MTA3: variants seen among roughly 807,000 people sequenced by gnomAD.
MTA3 encodes metastasis associated 1 family member 3.
In MTA3, 34 loss-of-function variants were observed where a neutral mutation model predicts 83.5. The ratio of observed to expected loss-of-function variants is 0.41; its 90% CI spans 0.31 to 0.54. The LOEUF is 0.54. Ranked by LOEUF, MTA3 falls within the 20% of genes least tolerant of loss-of-function variation. The pLI is 0.33. For synonymous variants in MTA3, 303 were observed against 252.7 expected (o/e 1.20, Z -1.89); for missense variants, 761 against 726.4 (o/e 1.05, Z -0.55).
At chr2:42,725,509 T>C (rs1233423754) in intron 16 of MTA3, among the ~76,000 whole-genome samples, 1 of 152,184 alleles carries the variant, frequency 6.6e-6, no homozygotes, top group Non-Finnish European at 1.5e-5. Context: ...GAGGACAGAA[T>C]AAATCAACAG....
At chr2:42,581,531 C>A (rs1417763854) in intron 3 of MTA3, among the ~76,000 whole-genome samples, 1 of 151,328 alleles carries the variant, frequency 6.6e-6, no homozygotes, top group Non-Finnish European at 1.5e-5. Flanking sequence ...TCTCACCGTG[C>A]CTAGCTAATT....
chr2:42,533,974 G>T (rs1477064941), intron 2 of MTA3, among the ~76,000 whole-genome samples: 1 of 152,106 alleles, frequency 6.6e-6, no homozygotes, highest in Non-Finnish European at 1.5e-5. Flanking sequence ...ACATTATTGG[G>T]CATGGTGGTT....
In MTA3 at chr2:42,612,863, A is replaced by AAAAT. The variant is rs565927142; in HGVS notation, c.317+3298_317+3301dup. 3.3e-3 allele frequency among the ~76,000 whole-genome samples: 496 copies of AAAAT among 152,268 alleles called. 3 individuals are homozygous for AAAAT. The highest frequency in any genetic ancestry group is 0.011 in the African/African-American group (461 of 41,548). On this transcript the variant is annotated intron_variant, in intron 4 of 16. Transcript: ENST00000405094. ...GCAACAAGAGAGACTCTTGTCTCAA[A>AAAAT]AAATAAATAAATAAATAAATAATGA...
chr2:42,648,561 A>G (rs1363251726), intron 6 of MTA3, among the ~76,000 whole-genome samples: 5 of 152,196 alleles, frequency 3.3e-5, no homozygotes, highest in African/African-American at 1.2e-4. Flanking sequence ...TTGCTAGGGA[A>G]TAAATCTTTT....
chr2:42,584,934 GA>G (rs778527624), intron 3 of MTA3, among the ~76,000 whole-genome samples: 3 of 150,436 alleles, frequency 2.0e-5, no homozygotes, highest in Non-Finnish European at 4.4e-5. Flanking sequence ...GAAGCCATAA[GA>G]TTTTTTTTTT....
At chr2:42,741,184 C>T (rs570418085) in intron 16 of MTA3, among the ~76,000 whole-genome samples, 1 of 152,358 alleles carries the variant, frequency 6.6e-6, no homozygotes, top group African/African-American at 2.4e-5. Flanking sequence ...TCTTCTCCAG[C>T]TTCCTCACCT....
intron 4 of MTA3, among the ~76,000 whole-genome samples, chr2:42,638,276 CAT>C (rs1169098814): frequency 1.3e-5 from 2 of 152,050 alleles, no homozygotes; most frequent in Non-Finnish European, 2.9e-5. Flanking sequence ...TGTGTGAGCA[CAT>C]ATTCACAGGT....
chr2:42,516,359 T>C (rs1256582530), intron 2 of MTA3, among the ~76,000 whole-genome samples: 1 of 152,210 alleles, frequency 6.6e-6, no homozygotes, highest in East Asian at 1.9e-4. Flanking sequence ...AACGTTTTCC[T>C]TGGATCTAGG....
At chr2:42,529,276 C>G (rs541592286) in intron 2 of MTA3, among the ~76,000 whole-genome samples, 1 of 152,252 alleles carries the variant, frequency 6.6e-6, no homozygotes, top group Admixed American at 6.5e-5. Context: ...CTTTTACTAT[C>G]CTATTCTAAG....
In MTA3 at chr2:42,647,082, A is replaced by G. The variant is rs1274918490; in HGVS notation, c.499+2838A>G. The stretch of plus-strand genomic sequence containing the variant: ...GAGGCAGGAGAATGGCGTGGAACCC[A>G]GGAGGCGGAGGTTGCAGTGAGCCGA... On this transcript the variant is annotated intron_variant, in intron 6 of 16. Transcript: ENST00000405094. 2.8e-5 allele frequency among the ~76,000 whole-genome samples: 4 copies of G among 141,804 alleles called. No individual in the cohort carries two copies. The Admixed American group carries it at 2.9e-4, about 10-fold the overall frequency. The allele number at this position is 141,804 out of a possible 152,430, so 93.0% of individuals were successfully genotyped here. A position where few individuals can be genotyped will look rare whatever the true frequency, so the allele number is the denominator to read the frequency against.
At chr2:42,659,539 G>T (rs2104370613) in intron 7 of MTA3, 1 of 216,402 alleles carries the variant, frequency 4.6e-6, no homozygotes, top group East Asian at 9.1e-5. Context: ...TTTTTTTCTT[G>T]ATTTCATGAT....
Position 42,604,589 on chromosome 2 carries a change from T to A in MTA3, c.191-4869T>A, listed in dbSNP as rs868511408. On this transcript the variant is annotated intron_variant, in intron 3 of 16. Coordinates refer to ENST00000405094, the MANE Select transcript of MTA3 (RefSeq NM_001330442.2). ...TGTTTCTTTTCTTTTTTTTTTTTTT[T>A]AATTTATTTTTTTATTGATAATTCT... Among the ~76,000 whole-genome samples, 426 of 145,610 alleles carry A rather than the reference T, an allele frequency of 2.9e-3. 1 individual carries two copies. The highest frequency in any genetic ancestry group is 0.013 in the South Asian group (60 of 4,602).
intron 6 of MTA3, among the ~76,000 whole-genome samples, chr2:42,654,272 T>G (rs1418775219): frequency 2.0e-5 from 3 of 152,108 alleles, no homozygotes; most frequent in African/African-American, 4.8e-5. Flanking sequence ...CCTGCTTCTG[T>G]CCTCTCCTTT....
intron 12 of MTA3, among the ~76,000 whole-genome samples, chr2:42,706,853 A>T (rs1424943345): frequency 6.6e-5 from 10 of 152,228 alleles, no homozygotes. Flanking sequence ...GAGTCTTGAA[A>T]GGGATTCTGT....
chr2:42,547,124 A>G (rs1676794137), intron 2 of MTA3, among the ~76,000 whole-genome samples: 1 of 152,334 alleles, frequency 6.6e-6, no homozygotes. Context: ...CAGATTTTGT[A>G]GGTCTAGGGT....
At chr2:42,551,632 G>T (rs151087923) in intron 2 of MTA3, among the ~76,000 whole-genome samples, 7 of 152,146 alleles carry the variant, frequency 4.6e-5, no homozygotes. Context: ...TATGTCAGGT[G>T]TGTTATGGAG....
At chr2:42,735,463 C>G (rs1457450403) in intron 16 of MTA3, among the ~76,000 whole-genome samples, 1 of 152,106 alleles carries the variant, frequency 6.6e-6, no homozygotes, top group Non-Finnish European at 1.5e-5. Context: ...GTTAAATGTG[C>G]TTGATATCCT....
In MTA3 at chr2:42,753,517, G is replaced by C. The variant is rs1409824809; in HGVS notation, c.*118G>C. ...GTACATTTCAGTGGGAGACCTCTGC[G>C]TGCATCCATGGAGACGCAATGGGGC... On this transcript the variant is annotated 3_prime_UTR_variant, in exon 17 of 17. Transcript: ENST00000405094. 1.3e-6 allele frequency: 2 copies of C among 1,521,440 alleles called. No homozygotes were observed. The highest frequency in any genetic ancestry group is 1.8e-6 in the Non-Finnish European group (2 of 1,131,212). 94.2% of individuals were successfully genotyped at this position (1,521,440 alleles called of 1,614,324 possible).
intron 2 of MTA3, among the ~76,000 whole-genome samples, chr2:42,527,314 C>T (rs1675762136): frequency 6.6e-6 from 1 of 152,136 alleles, no homozygotes; most frequent in Non-Finnish European, 1.5e-5. Flanking sequence ...CCTTCATTTG[C>T]ATAAATGGAC....
Sources: gnomAD v4.1 joint callset for allele counts (sites outside exome capture counted in the v4.1 genomes callset) on GRCh38, gnomAD v4.1.1 for gene constraint, MANE v1.5 for transcripts, NCBI Gene and HGNC (gene_info 2026-07-23, HGNC 2026-07-21) for gene names.